The following RAB37 variants were observed in gnomAD, a reference collection of about 807,000 sequenced individuals.
The protein encoded by RAB37 is RAB37, member RAS oncogene family, also known as ras-related protein Rab-37.
RAB37 carries 29 observed loss-of-function variants against 33.1 expected under a neutral mutation model. That is an observed-to-expected ratio of 0.88 (90% CI 0.65 to 1.20). The LOEUF is 1.20. Among genes scored for constraint, RAB37 ranks in the 50% most tolerant of loss-of-function variants. The pLI, the probability that RAB37 is intolerant of heterozygous loss-of-function variation, is 0.00. For missense variants in RAB37, 299 were observed against 301.1 expected, an observed-to-expected ratio of 0.99 and a Z score of 0.05; for synonymous variants, 128 against 119.5, an observed-to-expected ratio of 1.07 and a Z score of -0.47.
At chr17:74,700,979 G>A (rs1012588992) in intron 1 of RAB37, among the ~76,000 whole-genome samples, 12 of 152,106 alleles carry the variant, frequency 7.9e-5, no homozygotes, top group African/African-American at 2.9e-4. Context: ...ACAGACACAC[G>A]CAGAGGGACG....
intron 1 of RAB37, among the ~76,000 whole-genome samples, chr17:74,698,931 T>C (rs893627620): frequency 7.2e-5 from 11 of 152,210 alleles, no homozygotes; most frequent in African/African-American, 2.7e-4. Context: ...TGTTTTTCAT[T>C]TTTTTGACAC....
intron 1 of RAB37, among the ~76,000 whole-genome samples, chr17:74,711,720 G>A (rs564632998): frequency 2.2e-4 from 34 of 152,102 alleles, no homozygotes; most frequent in Non-Finnish European, 3.7e-4. Flanking sequence ...CCTAGGTCTC[G>A]GCTCGGACAG....
In RAB37 at chr17:74,715,925, G is replaced by C. The variant is rs138869141; in HGVS notation, c.73-13331G>C. Among the ~76,000 whole-genome samples, 814 of 152,288 alleles carry C rather than the reference G, an allele frequency of 5.3e-3. 5 individuals carry two copies. The highest frequency in any genetic ancestry group is 9.3e-3 in the Non-Finnish European group (633 of 68,010). On this transcript the variant is annotated intron_variant, in intron 1 of 7. Transcript: ENST00000340415. ...GATGTCTGTAATTCTAGCTACTAAGGAGGCTGAGGCAAGAGAATTGCTTGA... is the reference window on the plus strand; with the variant it reads ...GATGTCTGTAATTCTAGCTACTAAGCAGGCTGAGGCAAGAGAATTGCTTGA...
At chr17:74,672,289 C>T (rs375405906) in intron 1 of RAB37, among the ~76,000 whole-genome samples, 75 of 48,430 alleles carry the variant, frequency 1.5e-3, no homozygotes, top group African/African-American at 4.6e-3. Flanking sequence ...TAGCCTCTCT[C>T]AGGATAACAG....
chr17:74,673,781 C>T (rs1164839791), intron 1 of RAB37, among the ~76,000 whole-genome samples: 1 of 152,130 alleles, frequency 6.6e-6, no homozygotes, highest in African/African-American at 2.4e-5. Context: ...GCTGTGTGAG[C>T]ACCCTGAGAG....
chr17:74,717,431 G>A (rs1428085693), intron 1 of RAB37, among the ~76,000 whole-genome samples: 2 of 152,154 alleles, frequency 1.3e-5, no homozygotes, highest in Non-Finnish European at 2.9e-5. Context: ...TCAATGTGAT[G>A]GCATTACGAG....
At chr17:74,695,815 G>C in intron 1 of RAB37, 2 of 1,614,170 alleles carry the variant, frequency 1.2e-6, no homozygotes, top group Non-Finnish European at 1.7e-6. Flanking sequence ...CCAGCTGCAG[G>C]GTCAGGTCTG....
Position 74,671,795 on chromosome 17 carries a change from C to A in RAB37, c.72+137C>A, listed in dbSNP as rs1262489786. ...TGTGAGTCTGGGGAGCCCTTTCTGT[C>A]TGATCCTGTTTCCTGCTCAAAACAG... is the stretch of plus-strand genomic sequence containing the variant. On this transcript the variant is annotated intron_variant, in intron 1 of 7. Transcript: ENST00000340415. This position sits in a 1 kb window ranked among gnomAD's most constrained non-coding sequence, Gnocchi z 5.0. 9 of 747,868 alleles carry A rather than the reference C, an allele frequency of 1.2e-5. No individual in the cohort carries two copies. Among genetic ancestry groups the A allele is most frequent in the Admixed American group, 4.5e-5 (2 of 44,528 alleles). The allele number at this position is 747,868 out of a possible 1,614,324, so 46.3% of individuals were successfully genotyped here.
In RAB37 at chr17:74,745,569, T is replaced by G. The variant is rs1395031481; in HGVS notation, c.*158T>G. The stretch of plus-strand genomic sequence containing the variant: ...AGGGAGCTATACTCCAACTCCTACT[T>G]GAGTTCCTGCGGTCTCCCCGCATCC... On this transcript the variant is annotated 3_prime_UTR_variant, in exon 9 of 9. Coordinates refer to ENST00000392613, the MANE Select transcript of RAB37 (RefSeq NM_001006638.3). The surrounding 1 kb of genome is among the most constrained non-coding windows in gnomAD (Gnocchi z 4.5). The G allele has an allele frequency of 1.6e-6, 1 of 620,246 alleles. No homozygotes were observed. Among genetic ancestry groups the G allele is most frequent in the African/African-American group, 1.8e-5 (1 of 54,192 alleles). The allele number at this position is 620,246 out of a possible 1,614,324, so 38.4% of individuals were successfully genotyped here.
At chr17:74,674,864 C>T (rs926574579) in intron 1 of RAB37, among the ~76,000 whole-genome samples, 2 of 152,096 alleles carry the variant, frequency 1.3e-5, no homozygotes, top group Non-Finnish European at 2.9e-5. Flanking sequence ...CAGAGATTGT[C>T]ATTATAGAGG....
At chr17:74,679,770 T>G (rs1402548497) in intron 1 of RAB37, among the ~76,000 whole-genome samples, 1 of 151,852 alleles carries the variant, frequency 6.6e-6, no homozygotes, top group Non-Finnish European at 1.5e-5. Flanking sequence ...ATGAGGTCAG[T>G]AGTTTGAGAC....
chr17:74,675,599 A>G (rs1040501805), intron 1 of RAB37, among the ~76,000 whole-genome samples: 13 of 152,216 alleles, frequency 8.5e-5, no homozygotes, highest in African/African-American at 2.9e-4. Context: ...TCACAGGCAG[A>G]AGTCCATGGA....
intron 1 of RAB37, among the ~76,000 whole-genome samples, chr17:74,713,233 A>G (rs2034086930): frequency 6.7e-6 from 1 of 149,836 alleles, no homozygotes; most frequent in Non-Finnish European, 1.5e-5. Flanking sequence ...TGAACCTAGT[A>G]GGCGGAGGTT....
chr17:74,686,696 T>C (rs150596314), intron 1 of RAB37, among the ~76,000 whole-genome samples: 9 of 152,218 alleles, frequency 5.9e-5, no homozygotes, highest in African/African-American at 2.2e-4. Flanking sequence ...ACCAGCCTCT[T>C]CTAGTATTTT....
rs149924751 is a variant in RAB37 at position 74,673,634 on chromosome 17, G to A, written c.72+1976G>A. On this transcript the variant is annotated intron_variant, in intron 1 of 7. Coordinates refer to the RAB37 transcript ENST00000340415. ...ATTACCCACACACGAGATGTAGGAT[G>A]TAGTCCATGAAGACTGTTACTTCCT... 4.7e-3 allele frequency among the ~76,000 whole-genome samples: 713 copies of A among 152,154 alleles called. 7 individuals are homozygous for A. Among genetic ancestry groups the A allele is most frequent in the African/African-American group, 0.017 (693 of 41,486 alleles).
chr17:74,708,757 A>T lies in RAB37; in HGVS notation c.73-20499A>T, dbSNP rs541456455. Among the ~76,000 whole-genome samples the T allele has an allele frequency of 7.5e-3, 1,134 of 152,188 alleles. 15 individuals are homozygous for T. Among genetic ancestry groups the T allele is most frequent in the African/African-American group, 0.026 (1,060 of 41,518 alleles). ...CGGTGAAACCCTGTCTCTACTAAAA[A>T]TACAAAAAATTAGCCAGGCGTGGTG... is the stretch of plus-strand genomic sequence containing the variant. On this transcript the variant is annotated intron_variant, in intron 1 of 7. Coordinates refer to the RAB37 transcript ENST00000340415.
upstream of RAB37, among the ~76,000 whole-genome samples, chr17:74,736,369 A>G (rs2034474904): frequency 1.3e-5 from 2 of 152,238 alleles, no homozygotes; most frequent in Admixed American, 1.3e-4. Flanking sequence ...CCCAGGCCAC[A>G]GAGCCCCTGA....
intron 1 of RAB37, among the ~76,000 whole-genome samples, chr17:74,714,756 A>G (rs2034140916): frequency 6.6e-6 from 1 of 152,124 alleles, no homozygotes; most frequent in African/African-American, 2.4e-5. Context: ...TCTGACAATC[A>G]TGTCCATCCC....
chr17:74,695,956 C>T, intron 1 of RAB37: 1 of 1,419,918 alleles, frequency 7.0e-7, no homozygotes, highest in Non-Finnish European at 9.6e-7. Context: ...CTCCACTTCC[C>T]CAGGTGCCCC....
Sources: gnomAD v4.1 joint callset for allele counts (sites outside exome capture counted in the v4.1 genomes callset) on GRCh38, gnomAD v4.1.1 for gene constraint, Gnocchi (gnomAD v3.1) non-coding constraint, MANE v1.5 for transcripts, NCBI Gene and HGNC (gene_info 2026-07-23, HGNC 2026-07-21) for gene names.